SSBP3: variants seen among roughly 807,000 people sequenced by gnomAD.
SSBP3 encodes the protein single stranded DNA binding protein 3, also known as single-stranded DNA-binding protein 3.
SSBP3 carries 5 observed loss-of-function variants against 69.6 expected under a neutral mutation model. The observed-to-expected ratio is 0.07, with a 90% CI of 0.04 to 0.15. SSBP3 has a LOEUF of 0.15. SSBP3 is among the 10% of genes least tolerant of loss of function. The pLI, the probability that SSBP3 is intolerant of heterozygous loss-of-function variation, is 1.00. For synonymous variants in SSBP3, 196 were observed against 193.4 expected, an observed-to-expected ratio of 1.01 and a Z score of -0.11; for missense variants, 312 against 534.0, an observed-to-expected ratio of 0.58 and a Z score of 4.10.
In SSBP3 at chr1:54,233,938, T is replaced by C. The variant is rs570592356; in HGVS notation, c.928-5112A>G. ...GAAAGGTGGGGAAAAGATTGAGAAA[T>C]CGGATGGTTGCCGTGTCTGTGTAGA... is the stretch of plus-strand genomic sequence containing the variant. On this transcript the variant is annotated intron_variant, in intron 14 of 17. Coordinates refer to ENST00000610401, the Ensembl canonical transcript of SSBP3. Among the ~76,000 whole-genome samples, 7 of 152,304 alleles carry C rather than the reference T, an allele frequency of 4.6e-5. No homozygotes were observed. In the South Asian group the frequency reaches 1.4e-3, roughly 32 times the overall value.
intron 4 of SSBP3, among the ~76,000 whole-genome samples, chr1:54,352,438 G>A (rs1207792319): frequency 3.3e-5 from 5 of 152,114 alleles, no homozygotes; most frequent in Admixed American, 6.5e-5. Flanking sequence ...AAACACCCCT[G>A]AGGAACCTTC....
chr1:54,302,362 C>T (rs1041832005), intron 4 of SSBP3, among the ~76,000 whole-genome samples: 1 of 151,138 alleles, frequency 6.6e-6, no homozygotes, highest in Non-Finnish European at 1.5e-5. Context: ...CTCTGTCACC[C>T]AGGCTGGAAT....
intron 9 of SSBP3, among the ~76,000 whole-genome samples, chr1:54,249,795 A>AG (rs397735143): frequency 2.0e-5 from 3 of 150,148 alleles, no homozygotes; most frequent in Non-Finnish European, 3.0e-5. Flanking sequence ...AAAAAAAAAA[A>AG]GGGAACTGGA....
chr1:54,242,254 T>G, intron 10 of SSBP3, 42 bp from the exon 11 acceptor site: 1 of 1,608,786 alleles, frequency 6.2e-7, no homozygotes, highest in African/African-American at 1.3e-5. Flanking sequence ...AAAAAGGCGC[T>G]GTAAACTCCA....
At chr1:54,382,985 CAAAAAA>C (rs781100304) in intron 4 of SSBP3, among the ~76,000 whole-genome samples, 3 of 89,964 alleles carry the variant, frequency 3.3e-5, no homozygotes, top group Admixed American at 2.5e-4. Flanking sequence ...AACTCCATGA[CAAAAAA>C]AAAAAAAAAA....
chr1:54,389,305 C>T (rs1013264778), intron 4 of SSBP3, among the ~76,000 whole-genome samples: 2 of 152,116 alleles, frequency 1.3e-5, no homozygotes, highest in East Asian at 1.9e-4. Context: ...TAAAAGGGAG[C>T]CTTTTGAGTG....
chr1:54,248,430 C>T (rs1323809793), intron 9 of SSBP3, among the ~76,000 whole-genome samples: 1 of 152,234 alleles, frequency 6.6e-6, no homozygotes, highest in Non-Finnish European at 1.5e-5. Context: ...GAGGCCATCA[C>T]TTGCTGCCCG....
chr1:54,329,809 GA>G (rs1646376143), intron 4 of SSBP3, among the ~76,000 whole-genome samples: 1 of 152,176 alleles, frequency 6.6e-6, no homozygotes, highest in Non-Finnish European at 1.5e-5. Flanking sequence ...AGAAATGGGG[GA>G]GGGGACAAGC....
chr1:54,384,105 C>CAAA (rs34137070), intron 4 of SSBP3, among the ~76,000 whole-genome samples: 11 of 94,114 alleles, frequency 1.2e-4, no homozygotes, highest in African/African-American at 4.5e-4. Flanking sequence ...GACTCCATCT[C>CAAA]AAAAAAAAAA....
chr1:54,378,310 GA>G (rs1172308496), intron 4 of SSBP3, among the ~76,000 whole-genome samples: 32 of 152,234 alleles, frequency 2.1e-4, no homozygotes, highest in Non-Finnish European at 2.6e-4. Context: ...AGAGGATTAA[GA>G]CAATCATGTA....
intron 10 of SSBP3, 103 bp from the exon 11 acceptor site, chr1:54,242,315 A>C: frequency 1.4e-6 from 2 of 1,380,538 alleles, no homozygotes; most frequent in South Asian, 2.4e-5. Context: ...CACAACAGGA[A>C]GTCCTTCCTA....
chr1:54,338,666 C>A (rs1646552742), intron 4 of SSBP3, among the ~76,000 whole-genome samples: 1 of 152,230 alleles, frequency 6.6e-6, no homozygotes, highest in South Asian at 2.1e-4. Flanking sequence ...CTCTTCCCAG[C>A]CGAGGCTAAA....
chr1:54,233,271 G>A lies in SSBP3; in HGVS notation c.928-4445C>T, dbSNP rs1303840322. 3.8e-5 allele frequency among the ~76,000 whole-genome samples: 5 copies of A among 132,634 alleles called. 1 individual carries two copies. Among genetic ancestry groups the A allele is most frequent in the African/African-American group, 8.7e-5 (3 of 34,378 alleles). The allele number at this position is 132,634 out of a possible 152,430, so 87.0% of individuals were successfully genotyped here. A position where few individuals can be genotyped will look rare whatever the true frequency, so the allele number is the denominator to read the frequency against. ...GTGAGGAGCGCCTCTGCCCGGCCGC[G>A]ACCCCATCTGGGATGTGAGGAGCGC... On this transcript the variant is annotated intron_variant, in intron 14 of 17. Coordinates refer to ENST00000610401, the Ensembl canonical transcript of SSBP3.
intron 14 of SSBP3, among the ~76,000 whole-genome samples, chr1:54,236,223 C>G (rs1644490020): frequency 6.6e-6 from 1 of 152,054 alleles, no homozygotes; most frequent in Admixed American, 6.5e-5. Flanking sequence ...TCAAGCGATT[C>G]TCCTGCCTCA....
intron 4 of SSBP3, among the ~76,000 whole-genome samples, chr1:54,360,584 T>TC (rs896506120): frequency 2.8e-4 from 43 of 151,758 alleles, no homozygotes; most frequent in African/African-American, 1.0e-3. Context: ...CCTGCATGGG[T>TC]CCCCCCAAGT....
chr1:54,330,890 C>T (rs1646398745), intron 4 of SSBP3, among the ~76,000 whole-genome samples: 1 of 152,170 alleles, frequency 6.6e-6, no homozygotes, highest in African/African-American at 2.4e-5. Flanking sequence ...GATCACTGCT[C>T]CTGGTGCCAG....
intron 4 of SSBP3, among the ~76,000 whole-genome samples, chr1:54,341,365 T>A (rs554591140): frequency 6.6e-6 from 1 of 152,262 alleles, no homozygotes; most frequent in South Asian, 2.1e-4. Context: ...TCTGAAGCCA[T>A]ATCCTGACCT....
upstream of SSBP3, among the ~76,000 whole-genome samples, chr1:54,409,987 C>G (rs1046994093): frequency 3.9e-5 from 6 of 152,236 alleles, no homozygotes; most frequent in Admixed American, 6.5e-5. Context: ...CCAGATCCCC[C>G]CTCTGAACTC....
At chr1:54,287,535 G>A (rs1645513706) in intron 4 of SSBP3, among the ~76,000 whole-genome samples, 1 of 152,166 alleles carries the variant, frequency 6.6e-6, no homozygotes, top group South Asian at 2.1e-4. Context: ...GGGCAAGTGA[G>A]ACAGGAAGCC....
Sources: allele counts gnomAD v4.1 joint callset (sites outside exome capture counted in the v4.1 genomes callset), GRCh38; gene constraint gnomAD v4.1.1; transcripts MANE v1.5; gene names NCBI Gene and HGNC (gene_info 2026-07-23, HGNC 2026-07-21).